The following BTNL8 variants were observed in gnomAD, a reference collection of about 807,000 sequenced individuals.
The protein encoded by BTNL8 is butyrophilin-like protein 8.
A neutral mutation model predicts 36.1 loss-of-function variants in BTNL8; 22 were observed. The observed-to-expected ratio is 0.61, with a 90% CI of 0.44 to 0.87. The LOEUF (loss-of-function observed/expected upper bound fraction) is 0.87. Ranked by LOEUF, BTNL8 falls within the 40% of genes least tolerant of loss-of-function variation. The pLI is 0.00. For synonymous variants in BTNL8, 203 were observed against 235.6 expected (o/e 0.86, Z 1.27); for missense variants, 526 against 616.9 (o/e 0.85, Z 1.56).
chr5:180,928,016 C>G (rs1234480771), intron 3 of BTNL8, among the ~76,000 whole-genome samples: 2 of 151,952 alleles, frequency 1.3e-5, no homozygotes, highest in Non-Finnish European at 2.9e-5. Context: ...AAGAGCAACC[C>G]CAAGACACAT....
chr5:180,948,249 C>T (rs1759370712), intron 4 of BTNL8, 106 bp from the exon 5 acceptor site: 2 of 1,420,260 alleles, frequency 1.4e-6, no homozygotes, highest in African/African-American at 1.4e-5. Context: ...AGGAGAGGCC[C>T]TGCCCTTCAC....
intron 1 of BTNL8, among the ~76,000 whole-genome samples, chr5:180,900,133 T>C (rs936284437): frequency 6.6e-6 from 1 of 152,236 alleles, no homozygotes; most frequent in African/African-American, 2.4e-5. Flanking sequence ...AAAACCCATA[T>C]GTGTTACTAA....
At chr5:180,943,251 C>T (rs1163000950) in intron 3 of BTNL8, among the ~76,000 whole-genome samples, 3 of 150,316 alleles carry the variant, frequency 2.0e-5, no homozygotes, top group Non-Finnish European at 4.4e-5. Flanking sequence ...TCTCCTGCCT[C>T]AGCCTCCCGA....
At chr5:180,926,299 ATTATGCTTTTCCCATGGTCT>A (rs1477583065) in intron 3 of BTNL8, among the ~76,000 whole-genome samples, 1 of 152,180 alleles carries the variant, frequency 6.6e-6, no homozygotes, top group Non-Finnish European at 1.5e-5. Context: ...CAACCCAGAT[ATTATGCTTTTCCCATGGTCT>A]TTGCAACTCA....
At chr5:180,911,239 G>A (rs1011562610) in intron 2 of BTNL8, 100 bp from the exon 3 acceptor site, 17 of 1,525,652 alleles carry the variant, frequency 1.1e-5, no homozygotes, top group Non-Finnish European at 1.5e-5. Context: ...GTGTGTAAGA[G>A]AGAGAATGGG....
chr5:180,927,911 C>T (rs372641060), intron 3 of BTNL8, among the ~76,000 whole-genome samples: 1 of 152,246 alleles, frequency 6.6e-6, no homozygotes, highest in East Asian at 1.9e-4. Context: ...AAAGATTCTC[C>T]AGGATACTAC....
rs754388874 is a variant in BTNL8, at chr5:180,911,436, G to A, written c.495G>A (p.Ala165=). Residue 165 remains alanine, a synonymous_variant, in exon 3 of 8, where the codon GCG becomes GCA. Transcript: ENST00000340184. The part of the protein sequence containing the change: ...QSSGWFPRPT[A]KWKGPQGQDL... The stretch of plus-strand genomic sequence containing the variant: ...CGGGCTGGTTCCCCCGGCCCACAGC[G>A]AAGTGGAAAGGTCCACAAGGACAGG... 1.8e-5 allele frequency: 29 copies of A among 1,614,084 alleles called. No homozygotes were observed. The highest frequency in any genetic ancestry group is 1.6e-4 in the Middle Eastern group (1 of 6,084).
intron 3 of BTNL8, among the ~76,000 whole-genome samples, chr5:180,919,410 G>T (rs1225435947): frequency 1.3e-5 from 2 of 152,136 alleles, no homozygotes; most frequent in African/African-American, 4.8e-5. Context: ...GGGAAGCTTA[G>T]AATTTTATTT....
chr5:180,931,608 C>T (rs1204561202), intron 3 of BTNL8, among the ~76,000 whole-genome samples: 2 of 151,736 alleles, frequency 1.3e-5, no homozygotes, highest in Non-Finnish European at 2.9e-5. Context: ...AAACAAATTT[C>T]CAAGAAAAAA....
rs759171687 is a variant in BTNL8, at chr5:180,908,695, G to A, written c.159G>A (p.Val53=). The A allele has an allele frequency of 2.5e-6, 4 of 1,614,088 alleles. No homozygotes were observed. Among genetic ancestry groups the A allele is most frequent in the Admixed American group, 3.3e-5 (2 of 60,002 alleles). Residue 53 remains valine (V), a synonymous_variant, in exon 2 of 8, where the codon GTG becomes GTA. Transcript: ENST00000340184. ...AGACCAATGCAGAGGCCATGGAAGT[G>A]CGGTTCTTCAGGGGCCAGTTCTCTA... ...SPKTNAEAME[V]RFFRGQFSSV...
chr5:180,928,904 A>G (rs1758233345), intron 3 of BTNL8, among the ~76,000 whole-genome samples: 1 of 152,326 alleles, frequency 6.6e-6, no homozygotes, highest in South Asian at 2.1e-4. Context: ...AGACAGATCA[A>G]CGAGACAGAA....
At chr5:180,930,428 C>T (rs1651794175) in intron 3 of BTNL8, among the ~76,000 whole-genome samples, 1 of 152,312 alleles carries the variant, frequency 6.6e-6, no homozygotes, top group African/African-American at 2.4e-5. Context: ...TTCACCACTC[C>T]TATTCAACAT....
chr5:180,938,329 G>A (rs1758753690), intron 3 of BTNL8, among the ~76,000 whole-genome samples: 1 of 152,162 alleles, frequency 6.6e-6, no homozygotes, highest in African/African-American at 2.4e-5. Context: ...TCCTGGAAGA[G>A]ATGTGGACAT....
chr5:180,938,314 G>A lies in BTNL8; in HGVS notation c.674-9198G>A, dbSNP rs187880049. On this transcript the variant is annotated intron_variant, in intron 3 of 7. Coordinates refer to ENST00000340184, the MANE Select transcript of BTNL8 (RefSeq NM_001040462.3). ...TAATAAAATAATAGCTGAAAACTTT[G>A]CAAGTCCTGGAAGAGATGTGGACAT... Among the ~76,000 whole-genome samples, 218 of 152,222 alleles carry A rather than the reference G, an allele frequency of 1.4e-3. 1 individual carries two copies. The highest frequency in any genetic ancestry group is 4.9e-3 in the African/African-American group (205 of 41,534).
intron 3 of BTNL8, among the ~76,000 whole-genome samples, chr5:180,939,277 GA>G (rs1456944347): frequency 6.6e-6 from 1 of 151,628 alleles, no homozygotes; most frequent in Non-Finnish European, 1.5e-5. Flanking sequence ...ATGAATAAAT[GA>G]AAAAAGATCC....
At chr5:180,923,842 C>T (rs1204651892) in intron 3 of BTNL8, among the ~76,000 whole-genome samples, 1 of 152,116 alleles carries the variant, frequency 6.6e-6, no homozygotes, top group South Asian at 2.1e-4. Flanking sequence ...GCATTTTATA[C>T]ACCAGCAAAG....
chr5:180,905,363 G>A (rs1258281112), intron 1 of BTNL8, among the ~76,000 whole-genome samples: 22 of 134,256 alleles, frequency 1.6e-4, no homozygotes, highest in Non-Finnish European at 3.4e-4. Flanking sequence ...CTGTGGGATC[G>A]GTGGTGATAT....
Position 180,936,514 on chromosome 5 carries a change from T to C in BTNL8, c.674-10998T>C, listed in dbSNP as rs113782406. ...CAACAAAAAAGTACTTAGATATAAA[T>C]TTAACCAGAGATGAAAGACCTGGTT... On this transcript the variant is annotated intron_variant, in intron 3 of 7. Coordinates refer to ENST00000340184, the MANE Select transcript of BTNL8 (RefSeq NM_001040462.3). Among the ~76,000 whole-genome samples the C allele has an allele frequency of 4.0e-3, 602 of 152,242 alleles. 9 individuals are homozygous for C. The highest frequency in any genetic ancestry group is 0.014 in the African/African-American group (567 of 41,536).
chr5:180,933,750 A>C (rs757175814), intron 3 of BTNL8, among the ~76,000 whole-genome samples: 8 of 152,168 alleles, frequency 5.3e-5, no homozygotes, highest in Non-Finnish European at 1.2e-4. Flanking sequence ...AAAAAGAATT[A>C]CATCCAAAGA....
Sources: gnomAD v4.1 joint callset for allele counts (sites outside exome capture counted in the v4.1 genomes callset) on GRCh38, gnomAD v4.1.1 for gene constraint, MANE v1.5 for transcripts, NCBI Gene and HGNC (gene_info 2026-07-23, HGNC 2026-07-21) for gene names.